Variants in ZNF638 observed in about 807,000 individuals in gnomAD.
The protein encoded by ZNF638 is zinc finger protein 638.
ZNF638 carries 46 observed loss-of-function variants against 195.6 expected under a neutral mutation model. That is an observed-to-expected ratio of 0.24 (90% CI 0.19 to 0.30). The LOEUF (loss-of-function observed/expected upper bound fraction) is 0.30. ZNF638 is among the 10% of genes least tolerant of loss of function. The probability of loss-of-function intolerance (pLI) is 1.00; values close to 1 mark genes in which losing one functional copy is unlikely to be tolerated. For synonymous variants in ZNF638, 845 were observed against 772.0 expected, an observed-to-expected ratio of 1.09 and a Z score of -1.57; for missense variants, 2,440 against 2,325.3, an observed-to-expected ratio of 1.05 and a Z score of -1.01.
rs2080484367 is a variant in ZNF638 at position 71,424,040 on chromosome 2, TGAG to T, written c.4524+7_4524+9del. Reference sequence around the variant, plus strand: ...AAACGGGATGACAGCAACAATAAGGTGAGGAGGGTAGGAAGAATGGCACAGTGT... The same window carrying T: ...AAACGGGATGACAGCAACAATAAGGTGAGGGTAGGAAGAATGGCACAGTGT... On this transcript the variant is annotated splice_donor_5th_base_variant and intron_variant, in intron 22 of 27. Transcript: ENST00000264447. 2 of 1,611,676 alleles carry T rather than the reference TGAG, an allele frequency of 1.2e-6. No homozygotes were observed. The highest frequency in any genetic ancestry group is 1.1e-5 in the South Asian group (1 of 90,808).
rs370014072 is a variant in ZNF638, at chr2:71,334,845, C to T, written c.-203+2970C>T. 6.0e-5 allele frequency among the ~76,000 whole-genome samples: 9 copies of T among 149,278 alleles called. No homozygotes were observed. The South Asian group carries it at 9.2e-4, about 15-fold the overall frequency. The stretch of plus-strand genomic sequence containing the variant: ...CTGAGGCAGGAGAATGGCGTGAACC[C>T]GGGAGGTGGAGGTTGCAGTGAGCCG... On this transcript the variant is annotated intron_variant, in intron 1 of 27. Coordinates refer to ENST00000264447, the MANE Select transcript of ZNF638 (RefSeq NM_014497.5).
chr2:71,340,087 T>C (rs752341198), intron 1 of ZNF638, among the ~76,000 whole-genome samples: 12 of 152,238 alleles, frequency 7.9e-5, no homozygotes, highest in Non-Finnish European at 1.8e-4. Context: ...CTTAACATTG[T>C]GCATTAGCAG....
intron 10 of ZNF638, chr2:71,393,411 G>T: frequency 1.4e-6 from 1 of 718,768 alleles, no homozygotes; most frequent in Non-Finnish European, 2.6e-6. Flanking sequence ...TTGGATTCCA[G>T]TACGATGCAT....
chr2:71,424,582 T>C lies in ZNF638; in HGVS notation c.4525-68T>C, dbSNP rs895858626. The C allele has an allele frequency of 4.4e-6, 6 of 1,371,832 alleles. No individual in the cohort carries two copies. The East Asian group carries it at 1.1e-4, about 26-fold the overall frequency. 85.0% of individuals were successfully genotyped at this position (1,371,832 alleles called of 1,614,324 possible). On this transcript the variant is annotated intron_variant, in intron 22 of 27. Transcript: ENST00000264447. The stretch of plus-strand genomic sequence containing the variant: ...TACTGTTTTTTTTTGTTTTTTGTTT[T>C]TTTTTCCAGAACATTAATAATATGG...
rs1156582698 is a variant in ZNF638 at position 71,348,882 on chromosome 2, G to A, written c.-73G>A. ...TTAAGACTCAGTTGGCGCTTCAGCA[G>A]CTGAATGCCGTTGCCTCACATGGTT... On this transcript the variant is annotated 5_prime_UTR_variant, in exon 2 of 28. Coordinates refer to ENST00000264447, the MANE Select transcript of ZNF638 (RefSeq NM_014497.5). 1.2e-6 allele frequency: 2 copies of A among 1,613,622 alleles called. No individual in the cohort carries two copies. The highest frequency in any genetic ancestry group is 1.7e-6 in the Non-Finnish European group (2 of 1,179,980).
chr2:71,417,807 G>C (rs72840985), intron 20 of ZNF638, among the ~76,000 whole-genome samples: 7,737 of 152,188 alleles, frequency 0.051, 284 homozygotes, highest in Non-Finnish European at 0.079. Context: ...AGATATCCCA[G>C]TAAAGGAAGT....
At chr2:71,361,648 G>A (rs1365954769) in intron 3 of ZNF638, 2 of 152,078 alleles carry the variant, frequency 1.3e-5, no homozygotes, top group African/African-American at 4.8e-5. Flanking sequence ...TTCACAGTTT[G>A]TCCTCTCATA....
At chr2:71,368,285 A>C in intron 6 of ZNF638, 97 bp from the exon 7 acceptor site, 6 of 1,137,292 alleles carry the variant, frequency 5.3e-6, no homozygotes, top group Non-Finnish European at 7.4e-6. Flanking sequence ...CCTTTAGTGT[A>C]CTAATATTAG....
chr2:71,406,110 T>C lies in ZNF638; in HGVS notation c.3001-18T>C, dbSNP rs768400742. The C allele has an allele frequency of 1.6e-5, 26 of 1,612,586 alleles. No individual in the cohort carries two copies. In the African/African-American group the frequency reaches 3.2e-4, roughly 20 times the overall value. ...TTCAGCTGTGGTTTTTTCTGTGCTG[T>C]CTCTTAAAAAACTACAGGCAAACAT... On this transcript the variant is annotated intron_variant, in intron 18 of 27. Coordinates refer to ENST00000264447, the MANE Select transcript of ZNF638 (RefSeq NM_014497.5).
chr2:71,370,825 TA>T (rs759825586), intron 8 of ZNF638, among the ~76,000 whole-genome samples: 2 of 152,242 alleles, frequency 1.3e-5, no homozygotes, highest in Non-Finnish European at 2.9e-5. Context: ...ATTCTTTGTG[TA>T]TCAAATAATC....
intron 21 of ZNF638, 108 bp downstream of exon 21, chr2:71,418,747 A>C (rs570106606): frequency 2.6e-6 from 2 of 780,482 alleles, no homozygotes; most frequent in African/African-American, 1.8e-5. Flanking sequence ...TCTTTTCTGC[A>C]TATTTATTTT....
At chr2:71,388,213 A>C (rs561007671) in intron 10 of ZNF638, among the ~76,000 whole-genome samples, 11 of 152,332 alleles carry the variant, frequency 7.2e-5, no homozygotes. Context: ...AAGGCAGCTA[A>C]ATTCTCTTAC....
Position 71,380,562 on chromosome 2 carries a change from G to A in ZNF638, c.2374G>A (p.Ala792Thr), listed in dbSNP as rs772701790. The change falls in exon 10 of 28, where the codon GCT becomes ACT. Residue 792 changes from alanine to threonine, a missense_variant. Transcript: ENST00000264447. ...TGTTGAAATTGTTACTTCAACTTCT[G>A]CTGGTAAGTTGTTACTTTTAATATT... ...KAVEIVTSTSAAKTGQAKASV... is the reference protein window; with the variant it reads ...KAVEIVTSTSTAKTGQAKASV... 9.4e-6 allele frequency: 15 copies of A among 1,603,156 alleles called. No individual in the cohort carries two copies. The East Asian group carries it at 3.4e-4, about 36-fold the overall frequency.
chr2:71,399,065 C>T (rs1407477922), intron 12 of ZNF638, among the ~76,000 whole-genome samples: 3 of 152,006 alleles, frequency 2.0e-5, no homozygotes, highest in Non-Finnish European at 4.4e-5. Flanking sequence ...GTTTCCTTCG[C>T]TTTTTTTAGA....
chr2:71,365,861 A>T (rs1386512433), intron 6 of ZNF638, among the ~76,000 whole-genome samples, 155 bp downstream of exon 6: 1 of 152,168 alleles, frequency 6.6e-6, no homozygotes, highest in Admixed American at 6.5e-5. Context: ...CTGGCACCAC[A>T]GGCGTGTGCC....
At chr2:71,405,798 T>C (rs1196465845) in intron 18 of ZNF638, among the ~76,000 whole-genome samples, 156 bp downstream of exon 18, 1 of 152,190 alleles carries the variant, frequency 6.6e-6, no homozygotes, top group African/African-American at 2.4e-5. Flanking sequence ...AATAAAAAAA[T>C]AAAGGTTTCT....
Position 71,349,027 on chromosome 2 carries a change from A to G in ZNF638, c.73A>G (p.Met25Val), listed in dbSNP as rs776612839. The change falls in exon 2 of 28, where the codon ATG (methionine) becomes GTG (valine). Residue 25 changes from methionine (M) to valine (V), a missense_variant. By Grantham distance (21) the Met-to-Val change is conservative (BLOSUM62 1). Coordinates refer to ENST00000264447, the MANE Select transcript of ZNF638 (RefSeq NM_014497.5). ...QRPRAPNPSG[M>V]RPPGPFMRPG... is the part of the protein sequence containing the mutation. ...GCCACGAGCACCTAACCCTTCTGGG[A>G]TGAGGCCTCCAGGACCATTTATGAG... is the stretch of plus-strand genomic sequence containing the variant. The G allele has an allele frequency of 2.5e-6, 4 of 1,614,174 alleles. No homozygotes were observed. The East Asian group carries it at 6.7e-5, about 27-fold the overall frequency.
intron 19 of ZNF638, among the ~76,000 whole-genome samples, chr2:71,406,519 A>G (rs921751214): frequency 6.6e-6 from 1 of 152,154 alleles, no homozygotes; most frequent in Non-Finnish European, 1.5e-5. Flanking sequence ...TGTAGACAGC[A>G]TTATCTTACT....
intron 20 of ZNF638, among the ~76,000 whole-genome samples, chr2:71,417,268 ACTCGGAAAGGGAACT>A (rs1269174280): frequency 6.6e-6 from 1 of 150,812 alleles, no homozygotes; most frequent in Non-Finnish European, 1.5e-5. Context: ...CCTTTCTTTG[ACTCGGAAAGGGAACT>A]CCCTGACCCC....
Sources: gnomAD v4.1 joint callset for allele counts (sites outside exome capture counted in the v4.1 genomes callset) on GRCh38, gnomAD v4.1.1 for gene constraint, MANE v1.5 for transcripts, NCBI Gene and HGNC (gene_info 2026-07-23, HGNC 2026-07-21) for gene names.